Variants in RRBP1 observed in about 807,000 individuals in gnomAD.
RRBP1 encodes the protein ribosome-binding protein 1.
RRBP1 carries 94 observed loss-of-function variants against 165.2 expected under a neutral mutation model. The observed-to-expected ratio is 0.57, with a 90% CI of 0.48 to 0.68. RRBP1 has a LOEUF of 0.68. Among genes scored for constraint, RRBP1 ranks in the 30% least tolerant of loss-of-function variants. The pLI is 0.00. For synonymous variants in RRBP1, 680 were observed against 714.5 expected (o/e 0.95, Z 0.77); for missense variants, 1,676 against 1,763.0 (o/e 0.95, Z 0.88).
intron 1 of RRBP1, among the ~76,000 whole-genome samples, chr20:17,681,198 C>CGGGCG (rs1445861285): frequency 5.4e-5 from 8 of 148,882 alleles, no homozygotes; most frequent in Admixed American, 4.0e-4. Context: ...ATCGTGGCCG[C>CGGGCG]GGGCGGGGCG....
chr20:17,659,512 G>A lies in RRBP1; in HGVS notation c.996C>T (p.Ala332=), dbSNP rs1159455890. The change falls in exon 3 of 25, where the codon GCC becomes GCT. Residue 332 remains alanine (A), a synonymous_variant. Coordinates refer to ENST00000377813, the MANE Select transcript of RRBP1 (RefSeq NM_001365613.2). ...TCTTGCCCTGATTCTGGGCCCCCTC[G>A]GCCTTCTTGCCCTGGTTCTGGGCCC... ...GEGAQNQGKK[A]EGAQNQGKKA... 200 of 1,476,198 alleles carry A rather than the reference G, an allele frequency of 1.4e-4. No individual in the cohort carries two copies. The highest frequency in any genetic ancestry group is 3.9e-5 in the Non-Finnish European group (43 of 1,113,864). 91.4% of individuals were successfully genotyped at this position (1,476,198 alleles called of 1,614,324 possible).
chr20:17,621,632 C>T, intron 15 of RRBP1, 58 bp downstream of exon 15: 1 of 1,595,802 alleles, frequency 6.3e-7, no homozygotes, highest in Non-Finnish European at 8.6e-7. Context: ...TGGGGCAGCC[C>T]CTCTTCCTGG....
chr20:17,615,607 TG>T, intron 22 of RRBP1, 78 bp from the exon 23 acceptor site: 1 of 1,265,990 alleles, frequency 7.9e-7, no homozygotes, highest in Non-Finnish European at 1.1e-6. Context: ...CGAGCACGCC[TG>T]GGGACCAGGG....
rs1251153834 is a variant in RRBP1 at position 17,643,132 on chromosome 20, G to A, written c.1913-5C>T. 1.9e-6 allele frequency: 3 copies of A among 1,613,344 alleles called. No homozygotes were observed. The East Asian group carries it at 6.7e-5, about 36-fold the overall frequency. On this transcript the variant is annotated splice_polypyrimidine_tract_variant and splice_region_variant and intron_variant, in intron 3 of 24. Transcript: ENST00000377813. This position sits in a 1 kb window ranked among gnomAD's most constrained non-coding sequence, Gnocchi z 4.3. ...GGCCGTCGGCATCTGGGGGCCCTGT[G>A]CAGCAAGAGGGAAAGAGCTGAGACT...
intron 2 of RRBP1, among the ~76,000 whole-genome samples, chr20:17,664,775 G>T (rs1184549129): frequency 6.6e-6 from 1 of 152,176 alleles, no homozygotes; most frequent in African/African-American, 2.4e-5. Flanking sequence ...CTCCACGGGG[G>T]ACCGTGTGTG....
intron 9 of RRBP1, among the ~76,000 whole-genome samples, chr20:17,628,411 C>T (rs2036075342): frequency 6.6e-6 from 1 of 152,270 alleles, no homozygotes; most frequent in Non-Finnish European, 1.5e-5. Flanking sequence ...ACTAGCACCT[C>T]TGCGGCCACC....
intron 8 of RRBP1, among the ~76,000 whole-genome samples, chr20:17,631,595 C>G (rs1231890393): frequency 4.6e-5 from 7 of 152,360 alleles, no homozygotes; most frequent in Non-Finnish European, 5.9e-5. Flanking sequence ...CTGGGTGGGC[C>G]CAGCTGGGGA....
intron 5 of RRBP1, among the ~76,000 whole-genome samples, chr20:17,639,501 A>AG (rs2036307827): frequency 6.6e-6 from 1 of 152,194 alleles, no homozygotes; most frequent in African/African-American, 2.4e-5. Flanking sequence ...CCAGCTCCCG[A>AG]GGGGGATTAA....
At chr20:17,666,341 T>TAAA (rs77772144) in intron 2 of RRBP1, among the ~76,000 whole-genome samples, 71 of 142,590 alleles carry the variant, frequency 5.0e-4, no homozygotes, top group Admixed American at 2.3e-3. Flanking sequence ...CCCTGTCTCT[T>TAAA]AAAAAAAAAA....
chr20:17,620,164 T>C, intron 18 of RRBP1, 135 bp downstream of exon 18: 1 of 717,024 alleles, frequency 1.4e-6, no homozygotes, highest in South Asian at 1.7e-5. Context: ...ACAAGATCCC[T>C]TGGCTTGAGA....
intron 3 of RRBP1, among the ~76,000 whole-genome samples, chr20:17,652,262 G>C (rs1029252503): frequency 6.6e-6 from 1 of 152,224 alleles, no homozygotes; most frequent in African/African-American, 2.4e-5. Flanking sequence ...GGAGCCACTA[G>C]CCACATGTGA....
chr20:17,644,770 G>A (rs937755823), intron 3 of RRBP1, among the ~76,000 whole-genome samples: 12 of 152,166 alleles, frequency 7.9e-5, no homozygotes, highest in Admixed American at 2.0e-4. Flanking sequence ...GAAAGTACAC[G>A]TGGAATTTAG....
intron 13 of RRBP1, chr20:17,622,858 G>C (rs1242667008): frequency 6.6e-6 from 1 of 152,182 alleles, no homozygotes; most frequent in Admixed American, 6.5e-5. Flanking sequence ...CTGGATCAGA[G>C]CTGATGGAGT....
At chr20:17,620,426 C>A (rs533887041) in intron 17 of RRBP1, 56 bp from the exon 18 acceptor site, 2 of 1,494,538 alleles carry the variant, frequency 1.3e-6, no homozygotes, top group East Asian at 2.3e-5. Context: ...TGTCTCCTTC[C>A]GAGGCCATGC....
chr20:17,679,160 C>T (rs2037133993), intron 2 of RRBP1, among the ~76,000 whole-genome samples: 1 of 152,184 alleles, frequency 6.6e-6, no homozygotes, highest in African/African-American at 2.4e-5. Context: ...ACAACCATTC[C>T]CACCCCCTAG....
chr20:17,650,003 C>T (rs894027376), intron 3 of RRBP1, among the ~76,000 whole-genome samples: 1 of 152,152 alleles, frequency 6.6e-6, no homozygotes, highest in Non-Finnish European at 1.5e-5. Flanking sequence ...TACCTTTCCT[C>T]ATTCCAGACC....
rs2036692563 is a variant in RRBP1, at chr20:17,658,771, C to T, written c.1737G>A (p.Lys579=). The T allele has an allele frequency of 6.2e-7, 1 of 1,613,614 alleles. No homozygotes were observed. Among genetic ancestry groups the T allele is most frequent in the Non-Finnish European group, 8.5e-7 (1 of 1,179,596 alleles). ...KAEGSPSEGK[K]AEGSPNQGKK... is the part of the protein sequence containing the mutation. The stretch of plus-strand genomic sequence containing the variant: ...TGCCTTGGTTGGGGGACCCTTCTGC[C>T]TTTTTGCCTTCACTGGGGGACCCTT... The change falls in exon 3 of 25, where the codon AAG becomes AAA. Residue 579 remains lysine, a synonymous_variant. Coordinates refer to ENST00000377813, the MANE Select transcript of RRBP1 (RefSeq NM_001365613.2).
chr20:17,622,026 C>A, intron 13 of RRBP1, 79 bp from the exon 14 acceptor site: 1 of 1,057,830 alleles, frequency 9.5e-7, no homozygotes, highest in Non-Finnish European at 1.5e-6. Context: ...TACTGATATG[C>A]CCGGGTCTCT....
intron 8 of RRBP1, among the ~76,000 whole-genome samples, chr20:17,630,964 G>A (rs779213366): frequency 7.2e-5 from 11 of 152,232 alleles, no homozygotes; most frequent in Non-Finnish European, 1.5e-4. Flanking sequence ...AGCACCATCC[G>A]GGCAGAGGCG....
Sources: allele counts gnomAD v4.1 joint callset (sites outside exome capture counted in the v4.1 genomes callset), GRCh38; gene constraint gnomAD v4.1.1; non-coding constraint Gnocchi (gnomAD v3.1); transcripts MANE v1.5; gene names NCBI Gene and HGNC (gene_info 2026-07-23, HGNC 2026-07-21).